PCDH9: variants seen among roughly 807,000 people sequenced by gnomAD.
The protein encoded by PCDH9 is protocadherin-9.
Under a neutral mutation model 70.6 loss-of-function variants are expected in PCDH9, and 24 were observed. The ratio of observed to expected loss-of-function variants is 0.34; its 90% CI spans 0.25 to 0.48. PCDH9 has a LOEUF of 0.48. Among genes scored for constraint, PCDH9 ranks in the 20% least tolerant of loss-of-function variants. PCDH9 has a pLI of 0.99. For missense variants in PCDH9, 1,281 were observed against 1,503.6 expected (o/e 0.85, Z 2.45); for synonymous variants, 562 against 558.5 (o/e 1.01, Z -0.09).
intron 2 of PCDH9, among the ~76,000 whole-genome samples, chr13:66,926,254 T>C (rs1292628351): frequency 6.6e-6 from 1 of 152,036 alleles, no homozygotes; most frequent in Non-Finnish European, 1.5e-5. Flanking sequence ...TTATGGTAAT[T>C]GTTTAAAGCT....
intron 3 of PCDH9, among the ~76,000 whole-genome samples, chr13:66,863,060 T>G (rs1263803177): frequency 6.6e-6 from 1 of 152,216 alleles, no homozygotes; most frequent in Non-Finnish European, 1.5e-5. Context: ...ATTCTATTTC[T>G]TTAAAAATAG....
chr13:66,640,722 C>T (rs531704071), intron 3 of PCDH9, among the ~76,000 whole-genome samples: 1 of 152,104 alleles, frequency 6.6e-6, no homozygotes, highest in Admixed American at 6.5e-5. Context: ...GAAGTGATCT[C>T]GGCAGAAAGT....
chr13:66,398,934 A>G (rs1170375501), intron 4 of PCDH9, among the ~76,000 whole-genome samples: 1 of 152,200 alleles, frequency 6.6e-6, no homozygotes, highest in Non-Finnish European at 1.5e-5. Context: ...CCCACCTTTC[A>G]TTAAATCAGT....
At chr13:66,607,463 A>C (rs1378869105) in intron 4 of PCDH9, among the ~76,000 whole-genome samples, 1 of 152,080 alleles carries the variant, frequency 6.6e-6, no homozygotes, top group Non-Finnish European at 1.5e-5. Context: ...TTCTGAGTAA[A>C]ACATTATAGA....
At chr13:66,545,073 T>A (rs543515665) in intron 4 of PCDH9, among the ~76,000 whole-genome samples, 1 of 152,174 alleles carries the variant, frequency 6.6e-6, no homozygotes, top group African/African-American at 2.4e-5. Flanking sequence ...CAAACCTAGA[T>A]GTCCTTTAAA....
intron 3 of PCDH9, among the ~76,000 whole-genome samples, chr13:66,809,033 C>T (rs370973841): frequency 6.6e-6 from 1 of 152,126 alleles, no homozygotes; most frequent in Admixed American, 6.6e-5. Flanking sequence ...CTGCAAGCTC[C>T]GCCTCCCAGG....
chr13:66,515,463 T>C (rs1332784030), intron 4 of PCDH9, among the ~76,000 whole-genome samples: 7 of 151,964 alleles, frequency 4.6e-5, no homozygotes, highest in Non-Finnish European at 1.0e-4. Flanking sequence ...TGGTATCATA[T>C]AGGTAAAATT....
At chr13:66,603,332 A>G (rs2077184864) in intron 4 of PCDH9, among the ~76,000 whole-genome samples, 1 of 152,030 alleles carries the variant, frequency 6.6e-6, no homozygotes. Flanking sequence ...AAAAGGTTTT[A>G]ACATTTTTAT....
At chr13:66,673,514 T>C (rs368645240) in intron 3 of PCDH9, among the ~76,000 whole-genome samples, 4 of 152,070 alleles carry the variant, frequency 2.6e-5, no homozygotes, top group African/African-American at 9.6e-5. Flanking sequence ...GAAGATGATA[T>C]GAGTGCACAG....
At chr13:66,503,499 A>T (rs994298087) in intron 4 of PCDH9, among the ~76,000 whole-genome samples, 11 of 152,120 alleles carry the variant, frequency 7.2e-5, no homozygotes, top group African/African-American at 2.7e-4. Context: ...ACTAGTGTTT[A>T]TTTTTTCTTC....
chr13:66,834,435 C>G (rs1309924874), intron 3 of PCDH9, among the ~76,000 whole-genome samples: 2 of 152,114 alleles, frequency 1.3e-5, no homozygotes, highest in Non-Finnish European at 2.9e-5. Flanking sequence ...AGCCACCACT[C>G]CCAGCCCCTG....
intron 2 of PCDH9, among the ~76,000 whole-genome samples, chr13:67,065,357 C>T (rs1288537255): frequency 6.6e-6 from 1 of 152,128 alleles, no homozygotes; most frequent in African/African-American, 2.4e-5. Context: ...AAAACAAATA[C>T]TTGCTTATCT....
At chr13:67,110,407 A>G (rs866407520) in intron 2 of PCDH9, among the ~76,000 whole-genome samples, 41 of 150,470 alleles carry the variant, frequency 2.7e-4, no homozygotes, top group African/African-American at 9.5e-4. Context: ...CCAGCTACTC[A>G]GCAGGCTGAG....
At chr13:66,328,076 G>A (rs1272876817) in intron 4 of PCDH9, among the ~76,000 whole-genome samples, 1 of 152,056 alleles carries the variant, frequency 6.6e-6, no homozygotes, top group Non-Finnish European at 1.5e-5. Context: ...ATCCAAAATG[G>A]ATGCAGGGTA....
chr13:66,974,106 C>G lies in PCDH9; in HGVS notation c.3037-70501G>C, dbSNP rs2139753800. ...CATACCTTACAAAGCTGCGCATGAC[C>G]ACAATGACCTTCGTGATGGGGGTGA... On this transcript the variant is annotated intron_variant, in intron 2 of 4. Transcript: ENST00000377865. 2.0e-5 allele frequency among the ~76,000 whole-genome samples: 3 copies of G among 152,004 alleles called. No homozygotes were observed. In the South Asian group the frequency reaches 6.2e-4, roughly 32 times the overall value.
intron 4 of PCDH9, among the ~76,000 whole-genome samples, chr13:66,533,337 T>C (rs1480653745): frequency 1.3e-5 from 2 of 152,226 alleles, no homozygotes; most frequent in African/African-American, 4.8e-5. Context: ...GCTTTTCTAG[T>C]CTCTCATATT....
chr13:66,964,045 T>C lies in PCDH9; in HGVS notation c.3037-60440A>G, dbSNP rs536611954. Among the ~76,000 whole-genome samples, 5 of 152,238 alleles carry C rather than the reference T, an allele frequency of 3.3e-5. No homozygotes were observed. The East Asian group carries it at 7.7e-4, about 24-fold the overall frequency. ...TAAAACAAATAATAGATTAGATCTA[T>C]GTGGATAATTTATGAGTTCTCTAAC... On this transcript the variant is annotated intron_variant, in intron 2 of 4. Transcript: ENST00000377865.
chr13:66,322,267 G>A (rs1395592164), intron 4 of PCDH9, among the ~76,000 whole-genome samples: 1 of 151,812 alleles, frequency 6.6e-6, no homozygotes, highest in Admixed American at 6.6e-5. Flanking sequence ...ATTCCCTCTG[G>A]TTATCTCAAT....
chr13:66,756,896 C>G (rs901222647), intron 3 of PCDH9, among the ~76,000 whole-genome samples: 1 of 152,004 alleles, frequency 6.6e-6, no homozygotes, highest in African/African-American at 2.4e-5. Flanking sequence ...AGTGCAGTGG[C>G]TGCAATCTTG....
Sources: gnomAD v4.1 joint callset for allele counts (sites outside exome capture counted in the v4.1 genomes callset) on GRCh38, gnomAD v4.1.1 for gene constraint, MANE v1.5 for transcripts, NCBI Gene and HGNC (gene_info 2026-07-23, HGNC 2026-07-21) for gene names.